Variants in CYTH1 observed in about 807,000 individuals in gnomAD.
CYTH1 encodes cytohesin 1.
A neutral mutation model predicts 61.8 loss-of-function variants in CYTH1; 18 were observed. That is an observed-to-expected ratio of 0.29 (90% confidence interval 0.20 to 0.43). The LOEUF is 0.43. Among genes scored for constraint, CYTH1 ranks in the 20% least tolerant of loss-of-function variants. CYTH1 has a pLI of 1.00. For synonymous variants in CYTH1, 174 were observed against 184.3 expected, an observed-to-expected ratio of 0.94 and a Z score of 0.45; for missense variants, 336 against 510.5, an observed-to-expected ratio of 0.66 and a Z score of 3.29.
intron 1 of CYTH1, among the ~76,000 whole-genome samples, chr17:78,773,067 A>C (rs1384677456): frequency 6.6e-6 from 1 of 151,966 alleles, no homozygotes. Context: ...TCCTGAGCTT[A>C]AGCGATCTGC....
intron 1 of CYTH1, among the ~76,000 whole-genome samples, chr17:78,778,898 T>C (rs2093504762): frequency 6.6e-6 from 1 of 152,208 alleles, no homozygotes; most frequent in Non-Finnish European, 1.5e-5. Context: ...TTTTACAATG[T>C]GGGATCTGGT....
intron 1 of CYTH1, among the ~76,000 whole-genome samples, 186 bp downstream of exon 1, chr17:78,782,016 A>G (rs1466379299): frequency 6.8e-6 from 1 of 147,358 alleles, no homozygotes; most frequent in African/African-American, 2.5e-5. Flanking sequence ...TCATCCCTCA[A>G]AACCCCCTGC....
In CYTH1 at chr17:78,675,621, C is replaced by CAGAA; in HGVS notation, c.*469_*470insTTCT. On this transcript the variant is annotated 3_prime_UTR_variant, in exon 14 of 14. Transcript: ENST00000446868. ...GGCAGAATGCACCTGAACAGCCCTA[C>CAGAA]GTTCTCTCTTAAAAAAAAAAAAATA... is the stretch of plus-strand genomic sequence containing the variant. 4.1e-6 allele frequency: 1 copy of CAGAA among 246,084 alleles called. No individual in the cohort carries two copies. The highest frequency in any genetic ancestry group is 7.4e-6 in the Non-Finnish European group (1 of 135,256). 15.2% of individuals were successfully genotyped at this position (246,084 alleles called of 1,614,324 possible). A position where few individuals can be genotyped will look rare whatever the true frequency, so the allele number is the denominator to read the frequency against.
rs2092969451 is a variant in CYTH1, at chr17:78,698,397, C to T, written c.700-17G>A. 4.5e-6 allele frequency: 7 copies of T among 1,552,862 alleles called. No individual in the cohort carries two copies. The highest frequency in any genetic ancestry group is 1.4e-5 in the African/African-American group (1 of 73,348). Reference sequence around the variant, plus strand: ...ATAGAGATTCTGGGATAAAAGATGACAATTTATGTCTCTGATTCTAGAAAT... The same window carrying T: ...ATAGAGATTCTGGGATAAAAGATGATAATTTATGTCTCTGATTCTAGAAAT... On this transcript the variant is annotated splice_polypyrimidine_tract_variant and intron_variant, in intron 8 of 13. Transcript: ENST00000446868.
rs570576366 is a variant in CYTH1, at chr17:78,781,175, A to G, written c.22+1027T>C. On this transcript the variant is annotated intron_variant, in intron 1 of 13. Transcript: ENST00000446868. Reference sequence around the variant, plus strand: ...CAGAGCGAGATCTCGTCTCTTAAAAAAAAAAAAAAAAGAAAAATGTCCCAT... The same window carrying G: ...CAGAGCGAGATCTCGTCTCTTAAAAGAAAAAAAAAAAGAAAAATGTCCCAT... Among the ~76,000 whole-genome samples the G allele has an allele frequency of 2.7e-5, 4 of 150,256 alleles. No homozygotes were observed. The South Asian group carries it at 8.5e-4, about 32-fold the overall frequency.
Position 78,700,207 on chromosome 17 carries a change from C to T in CYTH1, c.550+124G>A, listed in dbSNP as rs1273315766. 3.8e-6 allele frequency: 3 copies of T among 797,766 alleles called. No homozygotes were observed. In the African/African-American group the frequency reaches 5.3e-5, roughly 14 times the overall value. The allele number at this position is 797,766 out of a possible 1,614,324, so 49.4% of individuals were successfully genotyped here. A position where few individuals can be genotyped will look rare whatever the true frequency, so the allele number is the denominator to read the frequency against. On this transcript the variant is annotated intron_variant, in intron 7 of 13. Transcript: ENST00000446868. The surrounding 1 kb of genome is among the most constrained non-coding windows in gnomAD (Gnocchi z 5.1). ...TATTTCCAACATTTTACTATTATAA[C>T]TATCATTGAGTAAACGTTCCTAGGC...
chr17:78,741,632 G>T (rs548084776), intron 1 of CYTH1, among the ~76,000 whole-genome samples: 94 of 152,286 alleles, frequency 6.2e-4, no homozygotes, highest in Middle Eastern at 6.8e-3. Flanking sequence ...AAGTCAAGAC[G>T]GGGTGCGAGG....
At chr17:78,748,834 C>A (rs1198791857) in intron 1 of CYTH1, among the ~76,000 whole-genome samples, 1 of 152,146 alleles carries the variant, frequency 6.6e-6, no homozygotes, top group African/African-American at 2.4e-5. Flanking sequence ...TCCTGCCTTA[C>A]TAATTATATA....
chr17:78,756,967 T>A lies in CYTH1; in HGVS notation c.22+25235A>T, dbSNP rs186156406. Among the ~76,000 whole-genome samples the A allele has an allele frequency of 5.2e-3, 790 of 151,408 alleles. 4 individuals carry two copies. The highest frequency in any genetic ancestry group is 0.018 in the African/African-American group (730 of 41,064). On this transcript the variant is annotated intron_variant, in intron 1 of 13. Transcript: ENST00000446868. Reference sequence around the variant, plus strand: ...TATTCACAAGGCGGAATTTCAAGGTTTGAATTTTTTTCTTTTTTTTCTTTT... The same window carrying A: ...TATTCACAAGGCGGAATTTCAAGGTATGAATTTTTTTCTTTTTTTTCTTTT...
chr17:78,709,324 AT>A (rs2093103007), intron 2 of CYTH1: 2 of 254,430 alleles, frequency 7.9e-6, no homozygotes, highest in African/African-American at 4.4e-5. Context: ...CCACATTCTC[AT>A]TGCCTCTCCT....
At chr17:78,712,320 T>C (rs1241226911) in intron 1 of CYTH1, among the ~76,000 whole-genome samples, 1 of 152,182 alleles carries the variant, frequency 6.6e-6, no homozygotes, top group African/African-American at 2.4e-5. Context: ...ATGTCTGTTA[T>C]TTCACTGTGA....
At chr17:78,751,136 G>A (rs1034172793) in intron 1 of CYTH1, among the ~76,000 whole-genome samples, 30 of 151,948 alleles carry the variant, frequency 2.0e-4, no homozygotes, top group Non-Finnish European at 3.1e-4. Flanking sequence ...GGCGCATGGC[G>A]GGGGGACATG....
At chr17:78,685,054 C>T (rs1482910070) in intron 11 of CYTH1, among the ~76,000 whole-genome samples, 1 of 151,936 alleles carries the variant, frequency 6.6e-6, no homozygotes, top group African/African-American at 2.4e-5. Context: ...CAAAAATTAG[C>T]CGCATGTGGT....
chr17:78,703,179 C>T (rs994353006), intron 3 of CYTH1, among the ~76,000 whole-genome samples: 5 of 151,412 alleles, frequency 3.3e-5, no homozygotes, highest in African/African-American at 9.7e-5. Flanking sequence ...TTTGGGAGGC[C>T]GAGGTGGGTG....
At chr17:78,772,853 A>T (rs888539880) in intron 1 of CYTH1, among the ~76,000 whole-genome samples, 6 of 141,528 alleles carry the variant, frequency 4.2e-5, no homozygotes, top group African/African-American at 1.3e-4. Context: ...TTTTTGAGAC[A>T]TGGTCTCACT....
intron 1 of CYTH1, among the ~76,000 whole-genome samples, chr17:78,720,939 C>A (rs546846800): frequency 6.6e-6 from 1 of 152,298 alleles, no homozygotes; most frequent in East Asian, 1.9e-4. Flanking sequence ...TGTCTGCTTA[C>A]CTTAGTTCCT....
chr17:78,728,504 C>T (rs141511479), intron 1 of CYTH1, among the ~76,000 whole-genome samples: 48 of 151,700 alleles, frequency 3.2e-4, no homozygotes, highest in African/African-American at 1.1e-3. Flanking sequence ...GCCAAGACCA[C>T]GCCATTGCAC....
At chr17:78,710,851 C>G (rs1308495049) in intron 1 of CYTH1, among the ~76,000 whole-genome samples, 8 of 152,168 alleles carry the variant, frequency 5.3e-5, no homozygotes, top group Non-Finnish European at 8.8e-5. Context: ...TCCTTCTATC[C>G]TTCAGTGGGT....
At chr17:78,739,561 G>A (rs1241029481) in intron 1 of CYTH1, among the ~76,000 whole-genome samples, 2 of 152,156 alleles carry the variant, frequency 1.3e-5, no homozygotes, top group Non-Finnish European at 2.9e-5. Flanking sequence ...GAGGGTGGTA[G>A]GCGAACTGCA....
Sources: allele counts gnomAD v4.1 joint callset (sites outside exome capture counted in the v4.1 genomes callset), GRCh38; gene constraint gnomAD v4.1.1; non-coding constraint Gnocchi (gnomAD v3.1); transcripts MANE v1.5; gene names NCBI Gene and HGNC (gene_info 2026-07-23, HGNC 2026-07-21).